The following PIK3CA variants were observed in gnomAD, a reference collection of about 807,000 sequenced individuals.
The protein encoded by PIK3CA is phosphatidylinositol-4,5-bisphosphate 3-kinase catalytic subunit alpha.
PIK3CA carries 27 observed loss-of-function variants against 138.2 expected under a neutral mutation model. The ratio of observed to expected loss-of-function variants is 0.20; its 90% CI spans 0.14 to 0.27. The LOEUF (loss-of-function observed/expected upper bound fraction) is 0.27. PIK3CA is among the 10% of genes least tolerant of loss of function. The probability of loss-of-function intolerance (pLI) is 1.00; values close to 1 mark genes in which losing one functional copy is unlikely to be tolerated. For missense variants in PIK3CA, 544 were observed against 1,277.4 expected (o/e 0.43, Z 8.75); for synonymous variants, 358 against 413.2 (o/e 0.87, Z 1.62).
Position 179,239,523 on chromosome 3 carries a change from G to GCCTT in PIK3CA, c.*5161_*5164dup, listed in dbSNP as rs369301634. On this transcript the variant is annotated 3_prime_UTR_variant, in exon 21 of 21. Transcript: ENST00000263967. ...TTCCTAAGAGAGGTTGGAGAACTTG[G>GCCTT]CCTTCATCTGATTTCAAAAATGTTT... is the stretch of plus-strand genomic sequence containing the variant. The GCCTT allele has an allele frequency of 1.7e-4, 37 of 215,542 alleles. No homozygotes were observed. Among genetic ancestry groups the GCCTT allele is most frequent in the African/African-American group, 7.9e-4 (35 of 44,414 alleles). The allele number at this position is 215,542 out of a possible 1,614,324, so 13.4% of individuals were successfully genotyped here.
At chr3:179,172,657 G>T (rs1199759211) in intron 1 of PIK3CA, among the ~76,000 whole-genome samples, 1 of 152,068 alleles carries the variant, frequency 6.6e-6, no homozygotes, top group Admixed American at 6.5e-5. Flanking sequence ...TTAGTAATAA[G>T]AATAGATACA....
At chr3:179,161,881 A>G (rs557506826) in intron 1 of PIK3CA, among the ~76,000 whole-genome samples, 152 of 152,296 alleles carry the variant, frequency 1.0e-3, no homozygotes, top group African/African-American at 3.5e-3. Context: ...AAATATCACT[A>G]TATGTATATT....
intron 1 of PIK3CA, among the ~76,000 whole-genome samples, chr3:179,150,139 A>G (rs1722973421): frequency 6.6e-6 from 1 of 151,348 alleles, no homozygotes; most frequent in Non-Finnish European, 1.5e-5. Flanking sequence ...GTCATCAGCC[A>G]AAATTATCTG....
intron 1 of PIK3CA, among the ~76,000 whole-genome samples, chr3:179,195,955 C>T (rs571512295): frequency 1.2e-4 from 18 of 152,282 alleles, no homozygotes; most frequent in African/African-American, 3.9e-4. Context: ...GTCATTCTGT[C>T]TACCAGAATG....
At chr3:179,181,284 T>G (rs1287710457) in intron 1 of PIK3CA, among the ~76,000 whole-genome samples, 1 of 152,006 alleles carries the variant, frequency 6.6e-6, no homozygotes, top group Non-Finnish European at 1.5e-5. Context: ...TTTCATATTC[T>G]GACCAAAGAA....
intron 1 of PIK3CA, among the ~76,000 whole-genome samples, chr3:179,166,135 C>T (rs965334641): frequency 1.3e-5 from 2 of 152,164 alleles, no homozygotes; most frequent in African/African-American, 4.8e-5. Context: ...AAATCATTAA[C>T]AATCCAATAA....
rs372217975 is a variant in PIK3CA, at chr3:179,236,043, T to TA, written c.*1680dup. The TA allele has an allele frequency of 1.9e-4, 39 of 206,964 alleles. No individual in the cohort carries two copies. Among genetic ancestry groups the TA allele is most frequent in the African/African-American group, 7.9e-4 (35 of 44,058 alleles). 12.8% of individuals were successfully genotyped at this position (206,964 alleles called of 1,614,324 possible). A position where few individuals can be genotyped will look rare whatever the true frequency, so the allele number is the denominator to read the frequency against. On this transcript the variant is annotated 3_prime_UTR_variant, in exon 21 of 21. Transcript: ENST00000263967. ...TAGGCATATTATTGGAAAACAACTT[T>TA]ATAAAGAGTGAACATTGTATACTCT... is the stretch of plus-strand genomic sequence containing the variant.
intron 1 of PIK3CA, among the ~76,000 whole-genome samples, chr3:179,181,983 C>T (rs772247678): frequency 1.3e-5 from 2 of 152,184 alleles, no homozygotes; most frequent in Non-Finnish European, 1.5e-5. Flanking sequence ...TTGTCCTTTA[C>T]GGTATCTCTG....
chr3:179,219,375 G>C lies in PIK3CA; in HGVS notation c.1746+98G>C. On this transcript the variant is annotated intron_variant, in intron 11 of 20. Coordinates refer to ENST00000263967, the MANE Select transcript of PIK3CA (RefSeq NM_006218.4). This position sits in a 1 kb window ranked among gnomAD's most constrained non-coding sequence, Gnocchi z 4.2. ...AAAGTCCACATAAATAAATGAAATA[G>C]ACTAATAGTAATATAGTGTAGAAAA... 1.2e-6 allele frequency: 1 copy of C among 808,282 alleles called. No homozygotes were observed. Among genetic ancestry groups the C allele is most frequent in the East Asian group, 2.6e-5 (1 of 38,270 alleles). The allele number at this position is 808,282 out of a possible 1,614,324, so 50.1% of individuals were successfully genotyped here. A position where few individuals can be genotyped will look rare whatever the true frequency, so the allele number is the denominator to read the frequency against.
intron 1 of PIK3CA, among the ~76,000 whole-genome samples, chr3:179,163,309 C>CA (rs753314955): frequency 6.6e-6 from 1 of 151,940 alleles, no homozygotes; most frequent in East Asian, 1.9e-4. Flanking sequence ...AAATACTTTC[C>CA]AAAGCTTCAA....
Position 179,219,210 on chromosome 3 carries a change from C to T in PIK3CA, c.1679C>T (p.Thr560Ile), listed in dbSNP as rs1560145156. ...CTCCCACACAGACACTATTGTGTAA[C>T]TATCCCCGAAATTCTACCCAAATTG... ...FLWSHRHYCV[T>I]IPEILPKLLL... Residue 560 changes from threonine to isoleucine, a missense_variant, in exon 11 of 21, where the codon ACT (threonine) becomes ATT (isoleucine). This residue lies in a region of PIK3CA where 13 missense variants were observed against 16.1 expected (regional missense o/e 0.81). Coordinates refer to ENST00000263967, the MANE Select transcript of PIK3CA (RefSeq NM_006218.4). This position sits in a 1 kb window ranked among gnomAD's most constrained non-coding sequence, Gnocchi z 4.2. 1 of 1,597,254 alleles carries T rather than the reference C, an allele frequency of 6.3e-7. No homozygotes were observed. The highest frequency in any genetic ancestry group is 2.2e-5 in the East Asian group (1 of 44,652).
rs1725156448 is a variant in PIK3CA, at chr3:179,229,261, T to G, written c.2496-11T>G. The stretch of plus-strand genomic sequence containing the variant: ...CATCATTTAATTGTAAACGTGTTAC[T>G]CCTCTTTCAGAATGTTACCTTATGG... On this transcript the variant is annotated splice_polypyrimidine_tract_variant and intron_variant, in intron 17 of 20. Coordinates refer to ENST00000263967, the MANE Select transcript of PIK3CA (RefSeq NM_006218.4). The G allele has an allele frequency of 2.5e-6, 4 of 1,600,788 alleles. No individual in the cohort carries two copies.
intron 1 of PIK3CA, among the ~76,000 whole-genome samples, chr3:179,184,430 A>G (rs193017134): frequency 1.3e-3 from 194 of 152,296 alleles, no homozygotes; most frequent in African/African-American, 4.4e-3. Context: ...GAAATAGAGA[A>G]CTCTACAGAA....
At chr3:179,224,245 C>A (rs993893537) in intron 15 of PIK3CA, 58 bp downstream of exon 15, 2 of 865,472 alleles carry the variant, frequency 2.3e-6, no homozygotes, top group African/African-American at 1.7e-5. Flanking sequence ...TGGATAAAAT[C>A]TTGAGAAAAG....
chr3:179,173,712 G>C (rs541758836), intron 1 of PIK3CA, among the ~76,000 whole-genome samples: 1 of 152,236 alleles, frequency 6.6e-6, no homozygotes, highest in South Asian at 2.1e-4. Context: ...TTGTAGAGGT[G>C]GGTTTTGGCA....
chr3:179,216,636 C>T (rs1025307420), intron 9 of PIK3CA, among the ~76,000 whole-genome samples: 1 of 152,030 alleles, frequency 6.6e-6, no homozygotes, highest in Non-Finnish European at 1.5e-5. Flanking sequence ...TCAGAATTTT[C>T]AAAAATACTG....
At chr3:179,176,209 G>A (rs1723693360) in intron 1 of PIK3CA, among the ~76,000 whole-genome samples, 1 of 152,080 alleles carries the variant, frequency 6.6e-6, no homozygotes, top group Non-Finnish European at 1.5e-5. Flanking sequence ...CTTGAGTTTA[G>A]TTTTTCCAGA....
Position 179,236,931 on chromosome 3 carries a change from T to C in PIK3CA, c.*2567T>C, listed in dbSNP as rs1725344102. ...CAGTTCTCGTGGTTTAGACAGTTCC[T>C]ATCTATAGCTGACTATCCTTGTCCT... is the stretch of plus-strand genomic sequence containing the variant. On this transcript the variant is annotated 3_prime_UTR_variant, in exon 21 of 21. Transcript: ENST00000263967. 1 of 204,138 alleles carries C rather than the reference T, an allele frequency of 4.9e-6. No homozygotes were observed. The highest frequency in any genetic ancestry group is 2.3e-5 in the African/African-American group (1 of 43,786). 12.6% of individuals were successfully genotyped at this position (204,138 alleles called of 1,614,324 possible).
In PIK3CA at chr3:179,240,073, T is replaced by TAAA; in HGVS notation, c.*5718_*5720dup. On this transcript the variant is annotated 3_prime_UTR_variant, in exon 21 of 21. Coordinates refer to ENST00000263967, the MANE Select transcript of PIK3CA (RefSeq NM_006218.4). ...CAGTCTGTAACATCACGCTGTTTAT[T>TAAA]AAAAAAAAAAAGAAAAATTACTTTT... The TAAA allele has an allele frequency of 1.6e-6, 2 of 1,217,462 alleles. No individual in the cohort carries two copies. The highest frequency in any genetic ancestry group is 2.2e-6 in the Non-Finnish European group (2 of 905,538). 75.4% of individuals were successfully genotyped at this position (1,217,462 alleles called of 1,614,324 possible).
Sources: gnomAD v4.1 joint callset for allele counts (sites outside exome capture counted in the v4.1 genomes callset) on GRCh38, gnomAD v4.1.1 for gene constraint, gnomAD v4.1.1 regional missense constraint, Gnocchi (gnomAD v3.1) non-coding constraint, MANE v1.5 for transcripts, NCBI Gene and HGNC (gene_info 2026-07-23, HGNC 2026-07-21) for gene names.